The following ATRX variants were observed in gnomAD, a reference collection of about 807,000 sequenced individuals.
The protein encoded by ATRX is ATRX chromatin remodeler.
Under a neutral mutation model 172.6 loss-of-function variants are expected in ATRX, and 12 were observed. That is an observed-to-expected ratio of 0.07 (90% CI 0.04 to 0.11). ATRX has a LOEUF of 0.11. Among genes scored for constraint, ATRX ranks in the 10% least tolerant of loss-of-function variants. The pLI is 1.00. For missense variants in ATRX, 1,368 were observed against 1,767.4 expected, an observed-to-expected ratio of 0.77 and a Z score of 4.05; for synonymous variants, 674 against 594.7, an observed-to-expected ratio of 1.13 and a Z score of -1.94.
chrX:77,693,970 A>G, intron 5 of ATRX, 33 bp from the exon 6 acceptor site: 1 of 1,046,591 alleles, frequency 9.6e-7, no homozygotes, highest in Non-Finnish European at 1.3e-6. Flanking sequence ...ACCATTACAC[A>G]TATTAAATGT....
chrX:77,771,283 G>A (rs782576344), intron 1 of ATRX, among the ~76,000 whole-genome samples: 15 of 107,876 alleles, frequency 1.4e-4, no homozygotes, highest in Non-Finnish European at 2.1e-4. Flanking sequence ...GGCTGAGGCA[G>A]AAGAATCACT....
At chrX:77,527,716 G>A (rs1039065371) in intron 30 of ATRX, among the ~76,000 whole-genome samples, 2 of 111,688 alleles carry the variant, frequency 1.8e-5, no homozygotes, top group South Asian at 3.7e-4. Flanking sequence ...CATTTCCATC[G>A]CACCTCACAG....
At chrX:77,741,037 TACACAC>T (rs111437851) in intron 1 of ATRX, among the ~76,000 whole-genome samples, 2 of 99,228 alleles carry the variant, frequency 2.0e-5, no homozygotes, top group African/African-American at 3.6e-5. Flanking sequence ...ACCCTGTCTC[TACACAC>T]ACACACACAC....
chrX:77,682,246 T>C lies in ATRX; in HGVS notation c.3010A>G (p.Lys1004Glu). Reference protein sequence around the residue: ...KPSDFKKKVIKMEQQYESSSD... With the variant: ...KPSDFKKKVIEMEQQYESSSD... The stretch of plus-strand genomic sequence containing the variant: ...GAAGATTCATACTGTTGTTCCATTT[T>C]AATTACTTTTTTCTTAAAGTCTGAA... The change falls in exon 9 of 35, where the codon AAA (lysine) becomes GAA (glutamate). Residue 1004 changes from lysine to glutamate, a missense_variant. By Grantham distance (56) the Lys-to-Glu change is moderately conservative. Coordinates refer to ENST00000373344, the MANE Select transcript of ATRX (RefSeq NM_000489.6). 1.7e-6 allele frequency: 2 copies of C among 1,206,544 alleles called. No individual in the cohort carries two copies. Among genetic ancestry groups the C allele is most frequent in the Non-Finnish European group, 1.1e-6 (1 of 893,743 alleles).
chrX:77,591,106 G>T (rs782457207), intron 26 of ATRX, among the ~76,000 whole-genome samples: 3 of 111,797 alleles, frequency 2.7e-5, no homozygotes, highest in Admixed American at 1.9e-4. Context: ...AAACTATTTG[G>T]TCACATCAAG....
chrX:77,548,533 A>G (rs2064335279), intron 30 of ATRX, among the ~76,000 whole-genome samples: 1 of 112,172 alleles, frequency 8.9e-6, no homozygotes, highest in Non-Finnish European at 1.9e-5. Flanking sequence ...CATGTGGTTC[A>G]TACCCCATAG....
At chrX:77,515,672 T>C (rs964502318) in intron 34 of ATRX, among the ~76,000 whole-genome samples, 10 of 112,004 alleles carry the variant, frequency 8.9e-5, no homozygotes, top group Non-Finnish European at 7.5e-5. Context: ...ATTTGGTTTA[T>C]TGAACGCAGC....
At chrX:77,590,846 T>TA (rs2066224036) in intron 26 of ATRX, among the ~76,000 whole-genome samples, 1 of 111,717 alleles carries the variant, frequency 9.0e-6, no homozygotes, top group African/African-American at 3.3e-5. Context: ...ATGGGTTAGG[T>TA]AAAAAATTAT....
chrX:77,576,457 CAAAG>C (rs1322620764), intron 27 of ATRX, among the ~76,000 whole-genome samples: 1 of 110,357 alleles, frequency 9.1e-6, no homozygotes. Flanking sequence ...ACTCTAGAAA[CAAAG>C]AAAGCGGGGA....
At chrX:77,633,844 A>C (rs1420501436) in intron 17 of ATRX, 132 bp from the exon 18 acceptor site, 2 of 665,349 alleles carry the variant, frequency 3.0e-6, no homozygotes, top group African/African-American at 4.4e-5. Context: ...CAGGCAAGGC[A>C]CAGGGAAAGA....
chrX:77,778,388 C>G (rs1557203616), intron 1 of ATRX, among the ~76,000 whole-genome samples: 1 of 104,217 alleles, frequency 9.6e-6, no homozygotes, highest in African/African-American at 3.5e-5. Flanking sequence ...GCACTCCAGG[C>G]TGGGTGACAG....
chrX:77,532,672 C>T (rs782644073), intron 30 of ATRX, among the ~76,000 whole-genome samples: 1 of 111,871 alleles, frequency 8.9e-6, no homozygotes, highest in East Asian at 2.8e-4. Context: ...AAATGTAAAA[C>T]TCCAAACTAT....
intron 1 of ATRX, among the ~76,000 whole-genome samples, chrX:77,754,236 G>A (rs1383747477): frequency 9.1e-6 from 1 of 109,567 alleles, no homozygotes; most frequent in Non-Finnish European, 1.9e-5. Context: ...GTGTGTCTTT[G>A]CACATCAGAT....
chrX:77,767,982 A>C (rs2076034624), intron 1 of ATRX, among the ~76,000 whole-genome samples: 2 of 111,868 alleles, frequency 1.8e-5, no homozygotes, highest in African/African-American at 6.5e-5. Flanking sequence ...TGAACTAAAA[A>C]ATATCACTAC....
At chrX:77,571,791 A>C (rs192587813) in intron 28 of ATRX, among the ~76,000 whole-genome samples, 1 of 111,569 alleles carries the variant, frequency 9.0e-6, no homozygotes, top group Admixed American at 9.5e-5. Context: ...GTTCAGGTGA[A>C]TCTATAATCA....
intron 1 of ATRX, among the ~76,000 whole-genome samples, chrX:77,762,187 G>A (rs1042364309): frequency 9.3e-6 from 1 of 107,686 alleles, no homozygotes; most frequent in Non-Finnish European, 1.9e-5. Flanking sequence ...GCCTGTAGTC[G>A]CAGCTACTCG....
At chrX:77,667,267 T>A (rs1402382819) in intron 10 of ATRX, among the ~76,000 whole-genome samples, 6 of 104,531 alleles carry the variant, frequency 5.7e-5, no homozygotes, top group African/African-American at 2.1e-4. Flanking sequence ...CAAACTAATC[T>A]GAATAATGAA....
At chrX:77,716,992 C>A in intron 2 of ATRX, 139 bp downstream of exon 2, 5 of 502,124 alleles carry the variant, frequency 1.0e-5, no homozygotes. Flanking sequence ...TTCTATAAAG[C>A]TTGCTAATCT....
intron 6 of ATRX, among the ~76,000 whole-genome samples, chrX:77,692,404 T>C (rs1170904318): frequency 8.9e-6 from 1 of 112,051 alleles, no homozygotes; most frequent in Non-Finnish European, 1.9e-5. Flanking sequence ...TACCCCTTTG[T>C]GGACAAAAGA....
Sources: gnomAD v4.1 joint callset for allele counts (sites outside exome capture counted in the v4.1 genomes callset) on GRCh38, gnomAD v4.1.1 for gene constraint, MANE v1.5 for transcripts, NCBI Gene and HGNC (gene_info 2026-07-23, HGNC 2026-07-21) for gene names.